The following RP1 variants were observed in gnomAD, a reference collection of about 807,000 sequenced individuals.
The protein encoded by RP1 is oxygen-regulated protein 1.
RP1 carries 16 observed loss-of-function variants against 14.8 expected under a neutral mutation model. The ratio of observed to expected loss-of-function variants is 1.08; its 90% confidence interval spans 0.73 to 1.65. The LOEUF is 1.65. RP1 is among the 40% of genes most tolerant of loss of function. The pLI is 0.00. For synonymous variants in RP1, 876 were observed against 883.6 expected, an observed-to-expected ratio of 0.99 and a Z score of 0.15; for missense variants, 2,631 against 2,535.0, an observed-to-expected ratio of 1.04 and a Z score of -0.81.
intron 7 of RP1, among the ~76,000 whole-genome samples, chr8:54,668,059 C>T (rs558331005): frequency 1.3e-5 from 2 of 152,232 alleles, no homozygotes; most frequent in South Asian, 2.1e-4. Context: ...AGACCAATAT[C>T]CCTGATGAAC....
chr8:54,755,699 G>A, exon 21 of RP1: 1 of 1,535,730 alleles, frequency 6.5e-7, no homozygotes, highest in South Asian at 1.2e-5. Context: ...CTGTCTCTTT[G>A]GGGAGAGGGG....
At chr8:54,843,399 C>T (rs2129405298) in intron 25 of RP1, among the ~76,000 whole-genome samples, 1 of 152,130 alleles carries the variant, frequency 6.6e-6, no homozygotes, top group East Asian at 1.9e-4. Context: ...ATTTCTTTTT[C>T]AACAATCAGA....
In RP1 at chr8:54,628,764, G is replaced by T. The variant is rs1806157671; in HGVS notation, c.4882G>T (p.Val1628Phe). 6.2e-7 allele frequency: 1 copy of T among 1,614,046 alleles called. No individual in the cohort carries two copies. Among genetic ancestry groups the T allele is most frequent in the South Asian group, 1.1e-5 (1 of 91,080 alleles). Reference protein sequence around the residue: ...TQEKEYNIGFVKRAIEKLYGK... With the variant: ...TQEKEYNIGFFKRAIEKLYGK... The stretch of plus-strand genomic sequence containing the variant: ...AGAGAAAGAATATAACATAGGATTT[G>T]TTAAAAGGGCAATAGAAAAACTGTA... Residue 1628 changes from valine (V) to phenylalanine (F), a missense_variant, in exon 4 of 4, where the codon GTT (valine) becomes TTT (phenylalanine). Coordinates refer to ENST00000220676, the MANE Select transcript of RP1 (RefSeq NM_006269.2).
intron 17 of RP1, among the ~76,000 whole-genome samples, chr8:54,727,606 C>T (rs1333419047): frequency 6.6e-6 from 1 of 151,624 alleles, no homozygotes; most frequent in African/African-American, 2.4e-5. Flanking sequence ...CTGAGGCTGG[C>T]CAAGTAATTT....
chr8:54,619,541 C>T (rs1276983192), intron 1 of RP1, among the ~76,000 whole-genome samples: 11 of 152,196 alleles, frequency 7.2e-5, no homozygotes, highest in South Asian at 2.1e-4. Flanking sequence ...TAAATCCTTC[C>T]ACATGCTGCT....
In RP1 at chr8:54,744,592, A is replaced by G. The variant is rs75922478; in HGVS notation, c.2808+5563A>G. On this transcript the variant is annotated intron_variant, in intron 19 of 22. Coordinates refer to the RP1 transcript ENST00000636932. ...TTGATAAATACATAGACCTACAAAT[A>G]TTTTATTACCATCTCTTGCAGCCCT... is the stretch of plus-strand genomic sequence containing the variant. Among the ~76,000 whole-genome samples the G allele has an allele frequency of 4.0e-3, 614 of 152,270 alleles. 5 individuals carry two copies. Among genetic ancestry groups the G allele is most frequent in the African/African-American group, 0.014 (588 of 41,544 alleles).
chr8:54,833,303 C>A (rs952587120), intron 24 of RP1, among the ~76,000 whole-genome samples: 1 of 151,902 alleles, frequency 6.6e-6, no homozygotes, highest in Non-Finnish European at 1.5e-5. Context: ...AAAAGCTATA[C>A]AAATATAGAT....
At chr8:54,581,988 C>CAG (rs1473763408) in intron 1 of RP1, among the ~76,000 whole-genome samples, 7 of 152,296 alleles carry the variant, frequency 4.6e-5, no homozygotes, top group Non-Finnish European at 1.5e-5. Context: ...TTCTGCTGTG[C>CAG]AGAAGCTCTT....
intron 24 of RP1, among the ~76,000 whole-genome samples, chr8:54,828,882 CTTT>C (rs201534661): frequency 2.2e-3 from 187 of 83,900 alleles, no homozygotes; most frequent in African/African-American, 8.6e-3. Context: ...TCTTCTTCTT[CTTT>C]TTTTTTTTTT....
At chr8:54,683,662 G>C (rs1203452122) in intron 12 of RP1, among the ~76,000 whole-genome samples, 1 of 150,582 alleles carries the variant, frequency 6.6e-6, no homozygotes. Context: ...TTGTATCCTG[G>C]GGCTAAAGTT....
intron 1 of RP1, among the ~76,000 whole-genome samples, chr8:54,610,312 T>C (rs1794136662): frequency 6.6e-6 from 1 of 152,162 alleles, no homozygotes; most frequent in Non-Finnish European, 1.5e-5. Context: ...TTGCTGATGG[T>C]TCCTCACCGT....
chr8:54,769,623 C>A, intron 22 of RP1: 1 of 706,856 alleles, frequency 1.4e-6, no homozygotes, highest in Non-Finnish European at 2.3e-6. Context: ...TTATAGTTAA[C>A]ATTTAGTGTG....
At chr8:54,755,367 T>C (rs1809476581) in intron 20 of RP1, among the ~76,000 whole-genome samples, 1 of 152,210 alleles carries the variant, frequency 6.6e-6, no homozygotes, top group Non-Finnish European at 1.5e-5. Context: ...AACAACCTTA[T>C]AAAAAATCTT....
At chr8:54,703,127 T>C (rs1442635305) in intron 14 of RP1, among the ~76,000 whole-genome samples, 3 of 152,194 alleles carry the variant, frequency 2.0e-5, no homozygotes, top group Non-Finnish European at 4.4e-5. Context: ...CCATGAATCA[T>C]AGTTGTTCTT....
intron 15 of RP1, among the ~76,000 whole-genome samples, chr8:54,707,819 C>T (rs530555568): frequency 9.2e-5 from 14 of 152,306 alleles, no homozygotes; most frequent in South Asian, 2.1e-4. Context: ...CACATACACA[C>T]GTGTAGTTAA....
intron 3 of RP1, among the ~76,000 whole-genome samples, chr8:54,648,677 CA>C (rs1442749358): frequency 6.6e-6 from 1 of 152,066 alleles, no homozygotes; most frequent in Non-Finnish European, 1.5e-5. Flanking sequence ...CTGGGAGCTT[CA>C]AAAAAGTTGT....
chr8:54,569,861 T>C (rs1417024356), intron 1 of RP1, among the ~76,000 whole-genome samples: 1 of 152,090 alleles, frequency 6.6e-6, no homozygotes, highest in Non-Finnish European at 1.5e-5. Flanking sequence ...AGCCCAGTCA[T>C]AGGAGCAGTA....
At chr8:54,784,434 T>C (rs1293154201) in intron 24 of RP1, among the ~76,000 whole-genome samples, 2 of 152,164 alleles carry the variant, frequency 1.3e-5, no homozygotes, top group African/African-American at 2.4e-5. Context: ...TACTAAGTAA[T>C]GTACTATGAA....
At chr8:54,622,062 T>C (rs892801523) in intron 2 of RP1, 55 bp from the exon 3 acceptor site, 39 of 1,570,458 alleles carry the variant, frequency 2.5e-5, no homozygotes, top group Middle Eastern at 3.3e-4. Flanking sequence ...GTTATAAAAT[T>C]ACCACTTAGT....
Sources: allele counts gnomAD v4.1 joint callset (sites outside exome capture counted in the v4.1 genomes callset), GRCh38; gene constraint gnomAD v4.1.1; transcripts MANE v1.5; gene names NCBI Gene and HGNC (gene_info 2026-07-23, HGNC 2026-07-21).